The following CSMD3 variants were observed in gnomAD, a reference collection of about 807,000 sequenced individuals.
CSMD3 encodes CUB and Sushi multiple domains 3.
Under a neutral mutation model 435.2 loss-of-function variants are expected in CSMD3, and 177 were observed. That is an observed-to-expected ratio of 0.41 (90% CI 0.36 to 0.46). The LOEUF is 0.46. Ranked by LOEUF, CSMD3 falls within the 20% of genes least tolerant of loss-of-function variation. The pLI, the probability that CSMD3 is intolerant of heterozygous loss-of-function variation, is 0.34. For missense variants in CSMD3, 4,265 were observed against 4,504.6 expected (o/e 0.95, Z 1.52); for synonymous variants, 1,656 against 1,520.5 (o/e 1.09, Z -2.07).
At position 113,325,953 on chromosome 8, in the gene CSMD3, T is replaced by C. The variant is rs2093980884; in HGVS notation, c.179-11160A>G. On this transcript the variant is annotated intron_variant, in intron 1 of 70. Transcript: ENST00000297405. ...ACAGTGCCAATATTTCTTCCTAACA[T>C]ATTTCTCTATATAGCAAATCCAAAT... Among the ~76,000 whole-genome samples, 2 of 152,182 alleles carry C rather than the reference T, an allele frequency of 1.3e-5. 1 individual carries two copies. Among genetic ancestry groups the C allele is most frequent in the South Asian group, 4.1e-4 (2 of 4,838 alleles).
At chr8:113,280,252 T>C (rs191699446) in intron 2 of CSMD3, among the ~76,000 whole-genome samples, 8 of 152,104 alleles carry the variant, frequency 5.3e-5, no homozygotes, top group Non-Finnish European at 1.2e-4. Flanking sequence ...TACCAATTCT[T>C]TGAATGTCTG....
chr8:113,190,328 A>G (rs149427945), intron 3 of CSMD3, among the ~76,000 whole-genome samples: 89 of 152,028 alleles, frequency 5.9e-4, no homozygotes, highest in African/African-American at 2.0e-3. Flanking sequence ...CCACTGTATT[A>G]TTAGATAATA....
At chr8:112,509,972 GC>G (rs1822933758) in intron 28 of CSMD3, among the ~76,000 whole-genome samples, 1 of 151,980 alleles carries the variant, frequency 6.6e-6, no homozygotes, top group Non-Finnish European at 1.5e-5. Flanking sequence ...AATTAAATTG[GC>G]TTCTTTTCCT....
intron 3 of CSMD3, among the ~76,000 whole-genome samples, chr8:113,221,195 G>A (rs1430872240): frequency 6.6e-6 from 1 of 151,196 alleles, no homozygotes; most frequent in Non-Finnish European, 1.5e-5. Context: ...ATAGATGATA[G>A]TATTGTATTG....
At chr8:113,097,463 T>A (rs987671945) in intron 5 of CSMD3, among the ~76,000 whole-genome samples, 1 of 152,032 alleles carries the variant, frequency 6.6e-6, no homozygotes, top group African/African-American at 2.4e-5. Context: ...CTTTTCTGTA[T>A]CATCCTTCTA....
chr8:112,877,779 C>A (rs187423334), intron 10 of CSMD3, among the ~76,000 whole-genome samples: 15 of 152,268 alleles, frequency 9.9e-5, no homozygotes, highest in Admixed American at 7.8e-4. Context: ...CTACAACCAT[C>A]TGATCTCTGA....
At chr8:112,871,085 C>T (rs1256185452) in intron 10 of CSMD3, among the ~76,000 whole-genome samples, 1 of 152,104 alleles carries the variant, frequency 6.6e-6, no homozygotes, top group Admixed American at 6.5e-5. Context: ...TTGATAGGAT[C>T]TCATCTTTTA....
intron 13 of CSMD3, among the ~76,000 whole-genome samples, chr8:112,748,459 C>T (rs1396459322): frequency 6.6e-6 from 1 of 151,890 alleles, no homozygotes; most frequent in African/African-American, 2.4e-5. Flanking sequence ...AGCTCAGTAC[C>T]CAATAGTTAT....
intron 10 of CSMD3, among the ~76,000 whole-genome samples, chr8:112,901,348 G>A (rs1342167295): frequency 6.6e-6 from 1 of 151,218 alleles, no homozygotes; most frequent in Non-Finnish European, 1.5e-5. Context: ...TGCTACAGTG[G>A]TGCTTTGGCC....
Position 113,192,798 on chromosome 8 carries a change from GTCC to G in CSMD3, c.515-18885_515-18883del, listed in dbSNP as rs1564410914. ...TTAGAAGTTTTCTTCTGTTCTTATA[GTCC>G]TCCTTTTTCTTTCAAATTTTTCGAT... On this transcript the variant is annotated intron_variant, in intron 3 of 70. Coordinates refer to ENST00000297405, the MANE Select transcript of CSMD3 (RefSeq NM_198123.2). Among the ~76,000 whole-genome samples, 4 of 149,498 alleles carry G rather than the reference GTCC, an allele frequency of 2.7e-5. No homozygotes were observed. The East Asian group carries it at 5.8e-4, about 22-fold the overall frequency.
At chr8:112,342,027 G>A (rs559199828) in intron 41 of CSMD3, among the ~76,000 whole-genome samples, 261 of 152,162 alleles carry the variant, frequency 1.7e-3, no homozygotes, top group African/African-American at 5.6e-3. Flanking sequence ...GGAAAAGGCC[G>A]CTTTTGGCCT....
chr8:113,355,749 T>TATATATATAC (rs1357514892), intron 1 of CSMD3, among the ~76,000 whole-genome samples: 178 of 81,258 alleles, frequency 2.2e-3, no homozygotes, highest in South Asian at 4.3e-3. Context: ...TATATATATA[T>TATATATATAC]ACACACACAC....
chr8:112,335,891 G>T lies in CSMD3; in HGVS notation c.7020-417C>A, dbSNP rs1824512097. 2.0e-5 allele frequency among the ~76,000 whole-genome samples: 3 copies of T among 151,832 alleles called. No individual in the cohort carries two copies. In the South Asian group the frequency reaches 6.2e-4, roughly 31 times the overall value. On this transcript the variant is annotated intron_variant, in intron 44 of 70. Transcript: ENST00000297405. ...TTATCAGTAGTTAATTATTAATTCA[G>T]ATACTTTCTTTAATACATTTTTATT...
chr8:112,619,471 C>T (rs1002068312), intron 22 of CSMD3, among the ~76,000 whole-genome samples: 3 of 151,986 alleles, frequency 2.0e-5, no homozygotes, highest in Non-Finnish European at 4.4e-5. Context: ...TACATTTTCT[C>T]TTCTCTAAGA....
At chr8:113,422,057 C>T (rs887652813) in intron 1 of CSMD3, among the ~76,000 whole-genome samples, 1 of 152,100 alleles carries the variant, frequency 6.6e-6, no homozygotes, top group African/African-American at 2.4e-5. Context: ...CACTTATCTC[C>T]CCCTGTAAAT....
chr8:112,887,425 A>G (rs2081637763), intron 10 of CSMD3, among the ~76,000 whole-genome samples: 1 of 151,362 alleles, frequency 6.6e-6, no homozygotes, highest in Non-Finnish European at 1.5e-5. Flanking sequence ...AGCTCTTTTT[A>G]TCTGCAACAC....
At chr8:113,431,086 G>A (rs1381803120) in intron 1 of CSMD3, among the ~76,000 whole-genome samples, 1 of 152,234 alleles carries the variant, frequency 6.6e-6, no homozygotes, top group East Asian at 1.9e-4. Context: ...CTCACAAGGG[G>A]CCCAATTCTG....
At chr8:112,258,765 C>T (rs1195244289) in intron 61 of CSMD3, among the ~76,000 whole-genome samples, 2 of 152,126 alleles carry the variant, frequency 1.3e-5, no homozygotes, top group Admixed American at 6.5e-5. Flanking sequence ...GATGGCCTGG[C>T]ACAGTGGCTC....
At chr8:113,381,688 A>G (rs2094416454) in intron 1 of CSMD3, among the ~76,000 whole-genome samples, 1 of 152,152 alleles carries the variant, frequency 6.6e-6, no homozygotes, top group Non-Finnish European at 1.5e-5. Flanking sequence ...AGGGTAAGAA[A>G]CACATTAATA....
Sources: allele counts gnomAD v4.1 joint callset (sites outside exome capture counted in the v4.1 genomes callset), GRCh38; gene constraint gnomAD v4.1.1; transcripts MANE v1.5; gene names NCBI Gene and HGNC (gene_info 2026-07-23, HGNC 2026-07-21).